Variants in DNAAF8 observed in about 807,000 individuals in gnomAD.
The protein encoded by DNAAF8 is dynein axonemal-associated protein 1.
A neutral mutation model predicts 54.6 loss-of-function variants in DNAAF8; 61 were observed. The observed-to-expected ratio is 1.12, with a 90% CI of 0.91 to 1.38. The LOEUF (loss-of-function observed/expected upper bound fraction) is 1.38, where lower values mean the gene tolerates loss of function less well. Ranked by LOEUF, DNAAF8 falls within the 40% of genes most tolerant of loss-of-function variation. The pLI, the probability that DNAAF8 is intolerant of heterozygous loss-of-function variation, is 0.00. For synonymous variants in DNAAF8, 320 were observed against 270.1 expected, an observed-to-expected ratio of 1.18 and a Z score of -1.81; for missense variants, 837 against 665.0, an observed-to-expected ratio of 1.26 and a Z score of -2.85.
chr16:4,734,750 G>T (rs1023442046), intron 1 of DNAAF8, 52 bp downstream of exon 1: 1 of 152,302 alleles, frequency 6.6e-6, no homozygotes, highest in African/African-American at 2.4e-5. Context: ...AAAACGCGGG[G>T]AAATACGGGC....
chr16:4,746,708 CCTCGGGCTGGG>C, intron 7 of DNAAF8, 196 bp downstream of exon 7: 1 of 839,386 alleles, frequency 1.2e-6, no homozygotes, highest in African/African-American at 1.7e-5. Context: ...AGGCACACCT[CCTCGGGCTGGG>C]CTCTATGCAA....
chr16:4,746,326 G>T (rs763866356), intron 6 of DNAAF8, 49 bp from the exon 7 acceptor site: 2 of 1,566,618 alleles, frequency 1.3e-6, no homozygotes, highest in Non-Finnish European at 1.7e-6. Context: ...GCAGGTCACA[G>T]AGTTATCACA....
Position 4,745,843 on chromosome 16 carries a change from C to G in DNAAF8, c.1044-532C>G, listed in dbSNP as rs552763875. On this transcript the variant is annotated intron_variant, in intron 6 of 9. Coordinates refer to ENST00000299320, the MANE Select transcript of DNAAF8 (RefSeq NM_139170.3). The stretch of plus-strand genomic sequence containing the variant: ...TGGTGCATGCCTGTAATCCCAGCTA[C>G]TTGGGAGGCTGAGGCAGGAGAAATC... Among the ~76,000 whole-genome samples, 127 of 151,546 alleles carry G rather than the reference C, an allele frequency of 8.4e-4. 1 individual carries two copies. Among genetic ancestry groups the G allele is most frequent in the Non-Finnish European group, 1.2e-3 (82 of 67,928 alleles).
chr16:4,747,433 C>A lies in DNAAF8; in HGVS notation c.1371C>A (p.Pro457=). 1 of 1,613,026 alleles carries A rather than the reference C, an allele frequency of 6.2e-7. No individual in the cohort carries two copies. Among genetic ancestry groups the A allele is most frequent in the Non-Finnish European group, 8.5e-7 (1 of 1,179,932 alleles). Residue 457 remains proline (P), a synonymous_variant, in exon 9 of 10, where the codon CCC becomes CCA. Transcript: ENST00000299320. ...AQPELPASKG[P]AGGRAQAPED... ...CCGAGCTGCCTGCCAGCAAGGGGCC[C>A]GCGGGTGGGAGGGCTCAGGCCCCTG...
intron 2 of DNAAF8, 116 bp from the exon 3 acceptor site, chr16:4,737,684 A>G: frequency 7.6e-7 from 1 of 1,310,514 alleles, no homozygotes; most frequent in Non-Finnish European, 1.1e-6. Context: ...GACGGGCTGG[A>G]TGGGCTGGGC....
Position 4,740,393 on chromosome 16 carries a change from A to G in DNAAF8, c.517A>G (p.Thr173Ala). Reference sequence around the variant, plus strand: ...TCCCTGGGACCCACAGGCCGAAGCCACTCTCTCCTGCCATGAAGGAGACCC... The same window carrying G: ...TCCCTGGGACCCACAGGCCGAAGCCGCTCTCTCCTGCCATGAAGGAGACCC... ...GPPWDPQAEA[T>A]LSCHEGDPKA... The change falls in exon 4 of 10, where the codon ACT (threonine) becomes GCT (alanine). Residue 173 changes from threonine to alanine, a missense_variant. Transcript: ENST00000299320. The G allele has an allele frequency of 6.2e-7, 1 of 1,613,586 alleles. No homozygotes were observed. Among genetic ancestry groups the G allele is most frequent in the Non-Finnish European group, 8.5e-7 (1 of 1,179,920 alleles).
intron 9 of DNAAF8, 25 bp downstream of exon 9, chr16:4,747,659 G>T (rs776916380): frequency 1.3e-5 from 21 of 1,571,734 alleles, no homozygotes; most frequent in Non-Finnish European, 1.7e-5. Context: ...GGAGTGGGCA[G>T]GGGCGGGCTG....
chr16:4,746,477 G>A lies in DNAAF8; in HGVS notation c.1146G>A (p.Arg382=), dbSNP rs2082019028. ...CCCCCACCATCTTTATTGACCTGCG[G>A]CAGATGGAGCTACCAGACCACCTGT... The part of the protein sequence containing the change: ...AESPTIFIDL[R]QMELPDHLSP... The change falls in exon 7 of 10, where the codon CGG becomes CGA. Residue 382 remains arginine (R), a synonymous_variant. Transcript: ENST00000299320. The A allele has an allele frequency of 6.2e-7, 1 of 1,613,748 alleles. No homozygotes were observed. Among genetic ancestry groups the A allele is most frequent in the East Asian group, 2.2e-5 (1 of 44,884 alleles).
At chr16:4,738,038 A>G (rs749875363) in intron 3 of DNAAF8, 92 bp downstream of exon 3, 14 of 1,398,894 alleles carry the variant, frequency 1.0e-5, no homozygotes, top group African/African-American at 2.9e-5. Flanking sequence ...TTTCCACGAT[A>G]TGCTAGAACA....
In DNAAF8 at chr16:4,746,525, G is replaced by C. The variant is rs201411579; in HGVS notation, c.1181+13G>C. 87 of 1,611,218 alleles carry C rather than the reference G, an allele frequency of 5.4e-5. No individual in the cohort carries two copies. The highest frequency in any genetic ancestry group is 6.2e-5 in the Non-Finnish European group (73 of 1,178,980). Reference sequence around the variant, plus strand: ...TGTCCCCAGAAAGGTCCGGAGGGCAGTGACTACCCCATACCAGCCTCTACT... The same window carrying C: ...TGTCCCCAGAAAGGTCCGGAGGGCACTGACTACCCCATACCAGCCTCTACT... On this transcript the variant is annotated intron_variant, in intron 7 of 9. Transcript: ENST00000299320.
At chr16:4,742,172 C>T (rs966421048) in intron 4 of DNAAF8, among the ~76,000 whole-genome samples, 1 of 152,174 alleles carries the variant, frequency 6.6e-6, no homozygotes, top group Non-Finnish European at 1.5e-5. Context: ...TTAGCTCCTG[C>T]CTGGAACAGC....
intron 5 of DNAAF8, chr16:4,743,468 T>G: frequency 4.5e-6 from 1 of 220,392 alleles, no homozygotes; most frequent in Non-Finnish European, 8.8e-6. Flanking sequence ...GCCTTCCTTC[T>G]CCCTCCTCCT....
chr16:4,737,345 G>A (rs1388356197), intron 2 of DNAAF8, among the ~76,000 whole-genome samples: 1 of 152,178 alleles, frequency 6.6e-6, no homozygotes, highest in Non-Finnish European at 1.5e-5. Context: ...TGCTCAGGGT[G>A]TTTTCACACC....
In DNAAF8 at chr16:4,737,944, G is replaced by C. The variant is rs748857655; in HGVS notation, c.274G>C (p.Glu92Gln). ...CGCTGCAGCTGAAGAGTCCCTTCCC[G>C]AGGTCTGTGGGACACAGAAGAGTAT... ...WVAAAEESLP[E>Q]PVLVPAELAT... The change falls in exon 3 of 10, where the codon GAG becomes CAG. Residue 92 changes from glutamate to glutamine, a missense_variant and splice_region_variant. Coordinates refer to ENST00000299320, the MANE Select transcript of DNAAF8 (RefSeq NM_139170.3). 2 of 1,614,010 alleles carry C rather than the reference G, an allele frequency of 1.2e-6. No homozygotes were observed. The highest frequency in any genetic ancestry group is 1.7e-5 in the Admixed American group (1 of 60,004).
Position 4,744,863 on chromosome 16 carries a change from T to C in DNAAF8, c.902-7T>C. Reference sequence around the variant, plus strand: ...CACTAATCAGCCTCTCCTTTGGCCATCCTCAGACCGCATGGTGCCGAGCGC... The same window carrying C: ...CACTAATCAGCCTCTCCTTTGGCCACCCTCAGACCGCATGGTGCCGAGCGC... On this transcript the variant is annotated splice_region_variant and splice_polypyrimidine_tract_variant and intron_variant, in intron 5 of 9. Coordinates refer to ENST00000299320, the MANE Select transcript of DNAAF8 (RefSeq NM_139170.3). 1 of 1,610,826 alleles carries C rather than the reference T, an allele frequency of 6.2e-7. No individual in the cohort carries two copies. Among genetic ancestry groups the C allele is most frequent in the South Asian group, 1.1e-5 (1 of 91,026 alleles).
intron 2 of DNAAF8, 127 bp from the exon 3 acceptor site, chr16:4,737,672 TG>T: frequency 8.3e-7 from 1 of 1,207,098 alleles, no homozygotes; most frequent in Non-Finnish European, 1.2e-6. Context: ...GCAGCAGGGC[TG>T]GACGGGCTGG....
Position 4,737,870 on chromosome 16 carries a change from A to G in DNAAF8, c.200A>G (p.Glu67Gly). ...NQTSLIPDLSEELAEDPADGD... is the reference protein window; with the variant it reads ...NQTSLIPDLSGELAEDPADGD... ...ACCTCCCTGATTCCAGACCTGTCGG[A>G]GGAGCTGGCTGAAGATCCTGCCGAT... Residue 67 changes from glutamate (E) to glycine (G), a missense_variant, in exon 3 of 10, where the codon GAG (glutamate) becomes GGG (glycine). By Grantham distance (98) the Glu-to-Gly change is moderately conservative. Coordinates refer to ENST00000299320, the MANE Select transcript of DNAAF8 (RefSeq NM_139170.3). 6.2e-7 allele frequency: 1 copy of G among 1,614,134 alleles called. No individual in the cohort carries two copies. The highest frequency in any genetic ancestry group is 2.2e-5 in the East Asian group (1 of 44,868).
Position 4,743,079 on chromosome 16 carries a change from A to G in DNAAF8, c.820A>G (p.Ser274Gly), listed in dbSNP as rs1030415778. The G allele has an allele frequency of 3.1e-6, 5 of 1,612,504 alleles. No homozygotes were observed. Among genetic ancestry groups the G allele is most frequent in the Non-Finnish European group, 3.4e-6 (4 of 1,179,248 alleles). ...GTGGGATTTGGATGACATCCTTCAGAGTCTGGCGGGACAAGAAGACAACCA... is the reference window on the plus strand; with the variant it reads ...GTGGGATTTGGATGACATCCTTCAGGGTCTGGCGGGACAAGAAGACAACCA... ...EAWDLDDILQ[S>G]LAGQEDNQGN... Residue 274 changes from serine to glycine, a missense_variant, in exon 5 of 10, where the codon AGT becomes GGT. Coordinates refer to ENST00000299320, the MANE Select transcript of DNAAF8 (RefSeq NM_139170.3).
At chr16:4,739,401 T>A (rs1286566291) in intron 3 of DNAAF8, among the ~76,000 whole-genome samples, 1 of 151,384 alleles carries the variant, frequency 6.6e-6, no homozygotes, top group African/African-American at 2.4e-5. Context: ...GGGTATGAAT[T>A]TCTGAGCCCC....
Sources: gnomAD v4.1 joint callset for allele counts (sites outside exome capture counted in the v4.1 genomes callset) on GRCh38, gnomAD v4.1.1 for gene constraint, MANE v1.5 for transcripts, NCBI Gene and HGNC (gene_info 2026-07-23, HGNC 2026-07-21) for gene names.